TGFBR2: variants seen among roughly 807,000 people sequenced by gnomAD.
TGFBR2 encodes transforming growth factor beta receptor 2.
Under a neutral mutation model 49.0 loss-of-function variants are expected in TGFBR2, and 18 were observed. That is an observed-to-expected ratio of 0.37 (90% CI 0.25 to 0.54). TGFBR2 has a LOEUF of 0.54. TGFBR2 is among the 20% of genes least tolerant of loss of function. The probability of loss-of-function intolerance (pLI) is 0.85; values close to 1 mark genes in which losing one functional copy is unlikely to be tolerated. For synonymous variants in TGFBR2, 282 were observed against 275.9 expected, an observed-to-expected ratio of 1.02 and a Z score of -0.22; for missense variants, 525 against 722.6, an observed-to-expected ratio of 0.73 and a Z score of 3.13.
At chr3:30,666,172 GT>G (rs1277751444) in intron 3 of TGFBR2, among the ~76,000 whole-genome samples, 1 of 152,114 alleles carries the variant, frequency 6.6e-6, no homozygotes, top group Non-Finnish European at 1.5e-5. Context: ...GGCTAAAAAT[GT>G]TTACTATTAT....
chr3:30,660,121 A>G (rs1699092401), intron 3 of TGFBR2, among the ~76,000 whole-genome samples: 1 of 152,160 alleles, frequency 6.6e-6, no homozygotes, highest in Non-Finnish European at 1.5e-5. Context: ...GAAATAATTT[A>G]TATTTGCTTA....
chr3:30,642,314 T>TG (rs200462950), intron 1 of TGFBR2, among the ~76,000 whole-genome samples: 2,582 of 148,702 alleles, frequency 0.017, 78 homozygotes, highest in African/African-American at 0.059. Flanking sequence ...GGGGTGGGAG[T>TG]GGGGGGGTTG....
rs771983813 is a variant in TGFBR2 at position 30,645,491 on chromosome 3, C to CTTTTTT, written c.263+583_263+588dup. On this transcript the variant is annotated intron_variant, in intron 2 of 6. Coordinates refer to ENST00000295754, the MANE Select transcript of TGFBR2 (RefSeq NM_003242.6). ...TCTCTCAGCTCAGAACTACATATTTCTTTTTTTTTTTTGAGATGGAGTCTT... is the reference window on the plus strand; with the variant it reads ...TCTCTCAGCTCAGAACTACATATTTCTTTTTTTTTTTTTTTTTTGAGATGGAGTCTT... 1.8e-4 allele frequency among the ~76,000 whole-genome samples: 25 copies of CTTTTTT among 136,316 alleles called. 4 individuals are homozygous for CTTTTTT. Among genetic ancestry groups the CTTTTTT allele is most frequent in the East Asian group, 4.6e-4 (2 of 4,358 alleles). 89.4% of individuals were successfully genotyped at this position (136,316 alleles called of 152,430 possible). A position where few individuals can be genotyped will look rare whatever the true frequency, so the allele number is the denominator to read the frequency against.
In TGFBR2 at chr3:30,691,421, G is replaced by T. The variant is rs863223853; in HGVS notation, c.1526G>T (p.Gly509Val). ...EIPSFWLNHQ[G>V]IQMVCETLTE... ...CTTTGGATCTCTTTCCCGCTACAGGGCATCCAGATGGTGTGTGAGACGTTG... is the reference window on the plus strand; with the variant it reads ...CTTTGGATCTCTTTCCCGCTACAGGTCATCCAGATGGTGTGTGAGACGTTG... Residue 509 changes from glycine (G) to valine (V), a missense_variant and splice_region_variant, in exon 7 of 7, where the codon GGC (glycine) becomes GTC (valine). This residue lies in a region of TGFBR2 where 104 missense variants were observed against 133.4 expected (regional missense o/e 0.78). Coordinates refer to ENST00000295754, the MANE Select transcript of TGFBR2 (RefSeq NM_003242.6). The T allele has an allele frequency of 6.2e-7, 1 of 1,613,898 alleles. No individual in the cohort carries two copies. The highest frequency in any genetic ancestry group is 8.5e-7 in the Non-Finnish European group (1 of 1,179,888).
At chr3:30,658,176 A>G (rs1016862041) in intron 3 of TGFBR2, among the ~76,000 whole-genome samples, 6 of 152,234 alleles carry the variant, frequency 3.9e-5, no homozygotes, top group African/African-American at 1.4e-4. Flanking sequence ...AACCCCTGAT[A>G]GAGATATTCA....
Position 30,671,641 on chromosome 3 carries a change from A to G in TGFBR2, c.458A>G (p.Tyr153Cys), listed in dbSNP as rs1699338396. 6.2e-7 allele frequency: 1 copy of G among 1,614,202 alleles called. No homozygotes were observed. Among genetic ancestry groups the G allele is most frequent in the Non-Finnish European group, 8.5e-7 (1 of 1,180,020 alleles). The part of the protein sequence containing the change: ...CNDNIIFSEE[Y>C]NTSNPDLLLV... ...CCTTGTTTTGTTTCCCCATCAGAAT[A>G]TAACACCAGCAATCCTGACTTGTTG... The change falls in exon 4 of 7, where the codon TAT becomes TGT. Residue 153 changes from tyrosine to cysteine, a missense_variant. Physicochemically the swap from Tyr to Cys is radical, Grantham distance 194. Around this residue, in one of 3 missense-constraint regions of TGFBR2, gnomAD observed 376 missense variants for 478.2 expected, o/e 0.79. Coordinates refer to ENST00000295754, the MANE Select transcript of TGFBR2 (RefSeq NM_003242.6).
intron 3 of TGFBR2, among the ~76,000 whole-genome samples, chr3:30,668,577 G>A (rs1165742461): frequency 6.7e-6 from 1 of 150,274 alleles, no homozygotes; most frequent in Non-Finnish European, 1.5e-5. Flanking sequence ...CTCCACAAGA[G>A]CATCTTTTTT....
At chr3:30,652,385 C>T (rs1397537383) in intron 3 of TGFBR2, among the ~76,000 whole-genome samples, 1 of 151,918 alleles carries the variant, frequency 6.6e-6, no homozygotes, top group African/African-American at 2.4e-5. Context: ...CAGGAGTGTG[C>T]CACCATACCC....
At chr3:30,661,530 A>T in intron 3 of TGFBR2, 1 of 501,446 alleles carries the variant, frequency 2.0e-6, no homozygotes, top group South Asian at 1.5e-5. Context: ...AAAACTTGAC[A>T]GGTAGATGTA....
intron 1 of TGFBR2, among the ~76,000 whole-genome samples, chr3:30,633,563 A>G (rs545824754): frequency 6.6e-6 from 1 of 152,326 alleles, no homozygotes; most frequent in Admixed American, 6.5e-5. Context: ...AGGTGGCCAC[A>G]GGGGCCTGGC....
chr3:30,665,255 AT>A (rs1328266603), intron 3 of TGFBR2, among the ~76,000 whole-genome samples: 73 of 152,338 alleles, frequency 4.8e-4, no homozygotes, highest in African/African-American at 1.7e-3. Flanking sequence ...CATGTTAATT[AT>A]AACATTAAAA....
chr3:30,613,149 T>TC (rs1698061361), intron 1 of TGFBR2, among the ~76,000 whole-genome samples: 1 of 126,216 alleles, frequency 7.9e-6, no homozygotes, highest in Non-Finnish European at 1.7e-5. Context: ...TTTTTTTTTT[T>TC]CTTCTCTTTT....
At chr3:30,678,897 G>A (rs1486662566) in intron 5 of TGFBR2, among the ~76,000 whole-genome samples, 1 of 152,192 alleles carries the variant, frequency 6.6e-6, no homozygotes, top group Non-Finnish European at 1.5e-5. Flanking sequence ...GAAGAAAAAT[G>A]TTCTAAGCAG....
intron 1 of TGFBR2, among the ~76,000 whole-genome samples, chr3:30,607,794 A>AT (rs1491115893): frequency 2.3e-4 from 30 of 128,380 alleles, no homozygotes; most frequent in African/African-American, 9.8e-4. Context: ...AAATAAAAAT[A>AT]AAAAAATATA....
intron 5 of TGFBR2, among the ~76,000 whole-genome samples, chr3:30,679,593 A>G (rs1014931589): frequency 6.6e-6 from 1 of 152,248 alleles, no homozygotes; most frequent in Non-Finnish European, 1.5e-5. Context: ...AAAGAAAGCC[A>G]TAAAGGAATA....
At chr3:30,669,267 G>A (rs955045741) in intron 3 of TGFBR2, among the ~76,000 whole-genome samples, 7 of 150,734 alleles carry the variant, frequency 4.6e-5, no homozygotes, top group Admixed American at 2.0e-4. Context: ...ACTCCATCTC[G>A]AGAAAAAAAA....
intron 1 of TGFBR2, among the ~76,000 whole-genome samples, chr3:30,619,016 C>CA (rs1358260155): frequency 6.6e-6 from 1 of 152,172 alleles, no homozygotes; most frequent in African/African-American, 2.4e-5. Context: ...CCAGTCCTTA[C>CA]AAGCAGTTTC....
chr3:30,627,893 C>T (rs1698362646), intron 1 of TGFBR2, among the ~76,000 whole-genome samples: 1 of 151,910 alleles, frequency 6.6e-6, no homozygotes, highest in Admixed American at 6.5e-5. Context: ...CATTAAAGTC[C>T]CCATTCTTCT....
chr3:30,682,836 A>G (rs1699561520), intron 5 of TGFBR2, among the ~76,000 whole-genome samples: 1 of 152,196 alleles, frequency 6.6e-6, no homozygotes. Flanking sequence ...CCCCTTCTCA[A>G]GGTTGTATGC....
Sources: gnomAD v4.1 joint callset for allele counts (sites outside exome capture counted in the v4.1 genomes callset) on GRCh38, gnomAD v4.1.1 for gene constraint, gnomAD v4.1.1 regional missense constraint, MANE v1.5 for transcripts, NCBI Gene and HGNC (gene_info 2026-07-23, HGNC 2026-07-21) for gene names.